Variants in SLC30A7 observed in about 807,000 individuals in gnomAD.
SLC30A7 encodes the protein solute carrier family 30 member 7, also known as zinc transporter 7.
Under a neutral mutation model 46.0 loss-of-function variants are expected in SLC30A7, and 35 were observed. That is an observed-to-expected ratio of 0.76 (90% confidence interval 0.58 to 1.01). SLC30A7 has a LOEUF of 1.01. Ranked by LOEUF, SLC30A7 falls within the 50% of genes least tolerant of loss-of-function variation. The pLI, the probability that SLC30A7 is intolerant of heterozygous loss-of-function variation, is 0.00. For missense variants in SLC30A7, 464 were observed against 451.1 expected, an observed-to-expected ratio of 1.03 and a Z score of -0.26; for synonymous variants, 147 against 157.8, an observed-to-expected ratio of 0.93 and a Z score of 0.51.
chr1:100,995,166 T>C, the SLC30A7 span: 58 of 1,534,964 alleles, frequency 3.8e-5, no homozygotes, highest in Non-Finnish European at 5.0e-5. Context: ...GAAGTAAAAA[T>C]AGTTCTTTTA....
intron 10 of SLC30A7, among the ~76,000 whole-genome samples, chr1:100,968,348 T>G (rs1422466025): frequency 6.6e-6 from 1 of 151,534 alleles, no homozygotes; most frequent in Non-Finnish European, 1.5e-5. Context: ...GTAATCCCAG[T>G]CACTCGGGAG....
In SLC30A7 at chr1:100,980,282, G is replaced by A. The variant is rs1365054006; in HGVS notation, c.*5425G>A. The A allele has an allele frequency of 6.6e-6, 1 of 152,082 alleles. No individual in the cohort carries two copies. Among genetic ancestry groups the A allele is most frequent in the African/African-American group, 2.4e-5 (1 of 41,444 alleles). The allele number at this position is 152,082 out of a possible 1,614,324, so 9.4% of individuals were successfully genotyped here. A position where few individuals can be genotyped will look rare whatever the true frequency, so the allele number is the denominator to read the frequency against. On this transcript the variant is annotated 3_prime_UTR_variant, in exon 11 of 11. Transcript: ENST00000357650. ...ATTTTGCACTGCAGGAGAAGGATAA[G>A]TAGATTTGATTTACATCACATTTTA...
At chr1:100,993,266 T>C in the SLC30A7 span, among the ~76,000 whole-genome samples, 2 of 151,934 alleles carry the variant, frequency 1.3e-5, no homozygotes, top group Non-Finnish European at 2.9e-5. Flanking sequence ...AATATAGCCA[T>C]TGCAGGCCAG....
chr1:100,990,486 A>T, the SLC30A7 span: 5 of 1,613,990 alleles, frequency 3.1e-6, no homozygotes, highest in Admixed American at 5.0e-5. Flanking sequence ...TCTCCATTGG[A>T]TGTATGCTGC....
intron 8 of SLC30A7, among the ~76,000 whole-genome samples, chr1:100,959,736 C>T (rs1233093034): frequency 6.6e-6 from 1 of 152,172 alleles, no homozygotes; most frequent in African/African-American, 2.4e-5. Flanking sequence ...TGTCTCATCA[C>T]TTTGTCATAC....
At chr1:100,937,722 G>A (rs946439310) in intron 8 of SLC30A7, among the ~76,000 whole-genome samples, 1 of 152,148 alleles carries the variant, frequency 6.6e-6, no homozygotes, top group African/African-American at 2.4e-5. Flanking sequence ...TTTATCAGAT[G>A]TATAATATGC....
chr1:100,988,969 G>C, the SLC30A7 span, among the ~76,000 whole-genome samples: 2 of 152,046 alleles, frequency 1.3e-5, no homozygotes, highest in Non-Finnish European at 1.5e-5. Context: ...GCTAATTGAT[G>C]ATCCCAGGGA....
chr1:100,985,632 T>C (rs1208573021), downstream of SLC30A7, among the ~76,000 whole-genome samples: 1 of 152,184 alleles, frequency 6.6e-6, no homozygotes, highest in Non-Finnish European at 1.5e-5. Context: ...CTTAATGATT[T>C]TTACAATGGT....
At chr1:100,958,897 A>G (rs1259573015) in intron 8 of SLC30A7, among the ~76,000 whole-genome samples, 4 of 152,190 alleles carry the variant, frequency 2.6e-5, no homozygotes, top group Non-Finnish European at 4.4e-5. Context: ...GATTTTTTTC[A>G]TAGGAACACA....
downstream of SLC30A7, among the ~76,000 whole-genome samples, chr1:100,983,560 C>G (rs1570621397): frequency 2.0e-5 from 3 of 152,130 alleles, no homozygotes; most frequent in East Asian, 5.8e-4. Flanking sequence ...ATGAATTTTG[C>G]TTTTTAATGT....
rs113681900 is a variant in SLC30A7, at chr1:100,971,434, C to T, written c.1084-3376C>T. Among the ~76,000 whole-genome samples, 759 of 152,038 alleles carry T rather than the reference C, an allele frequency of 5.0e-3. 12 individuals are homozygous for T. The highest frequency in any genetic ancestry group is 0.017 in the African/African-American group (719 of 41,480). ...TTCTTCATCATTTGTATTTGAAGTC[C>T]GCCAGAATCTGACCTCCTTTGGAGG... On this transcript the variant is annotated intron_variant, in intron 10 of 10. Coordinates refer to ENST00000357650, the MANE Select transcript of SLC30A7 (RefSeq NM_133496.5).
Position 100,971,857 on chromosome 1 carries a change from G to A in SLC30A7, c.1084-2953G>A, listed in dbSNP as rs138383520. 8.0e-3 allele frequency among the ~76,000 whole-genome samples: 1,215 copies of A among 152,124 alleles called. 8 individuals carry two copies. Among genetic ancestry groups the A allele is most frequent in the Middle Eastern group, 0.034 (10 of 294 alleles). On this transcript the variant is annotated intron_variant, in intron 10 of 10. Coordinates refer to ENST00000357650, the MANE Select transcript of SLC30A7 (RefSeq NM_133496.5). Reference sequence around the variant, plus strand: ...AATAATTTTCTATAGTCATATTCCCGTTTATTTCCCTAAATTTTTTACTTC... The same window carrying A: ...AATAATTTTCTATAGTCATATTCCCATTTATTTCCCTAAATTTTTTACTTC...
the SLC30A7 span, among the ~76,000 whole-genome samples, chr1:100,987,331 C>T: frequency 6.6e-6 from 1 of 152,032 alleles, no homozygotes; most frequent in Admixed American, 6.5e-5. Context: ...CCCTATTTTC[C>T]TTCTATTCTT....
At chr1:100,958,220 A>C (rs972704064) in intron 8 of SLC30A7, among the ~76,000 whole-genome samples, 2 of 151,884 alleles carry the variant, frequency 1.3e-5, no homozygotes, top group Admixed American at 6.5e-5. Flanking sequence ...TCTGTCACCC[A>C]GGCTGGAGTG....
downstream of SLC30A7, among the ~76,000 whole-genome samples, chr1:100,982,269 C>T (rs951849100): frequency 6.6e-6 from 1 of 152,214 alleles, no homozygotes; most frequent in African/African-American, 2.4e-5. Flanking sequence ...AGGCTTTATC[C>T]TCAGCATGTC....
At chr1:100,938,398 C>G (rs1050526453) in intron 8 of SLC30A7, among the ~76,000 whole-genome samples, 1 of 152,030 alleles carries the variant, frequency 6.6e-6, no homozygotes, top group Non-Finnish European at 1.5e-5. Flanking sequence ...TTATTTTGTC[C>G]CCTAAGCATT....
intron 2 of SLC30A7, among the ~76,000 whole-genome samples, chr1:100,904,948 G>A (rs1006443500): frequency 6.6e-6 from 1 of 151,998 alleles, no homozygotes; most frequent in Admixed American, 6.6e-5. Flanking sequence ...TATGGTCCTG[G>A]ATGGAGACAA....
rs535244984 is a variant in SLC30A7 at position 100,977,396 on chromosome 1, G to C, written c.*2539G>C. 1.3e-5 allele frequency: 2 copies of C among 152,306 alleles called. No individual in the cohort carries two copies. Among genetic ancestry groups the C allele is most frequent in the South Asian group, 4.1e-4 (2 of 4,824 alleles). 9.4% of individuals were successfully genotyped at this position (152,306 alleles called of 1,614,324 possible). ...ACATTTATGCTTTAATTAAATGCCA[G>C]TATACCTATGTGTGCAGCAGTAAAA... is the stretch of plus-strand genomic sequence containing the variant. On this transcript the variant is annotated 3_prime_UTR_variant, in exon 11 of 11. Transcript: ENST00000357650.
At chr1:100,973,062 A>AG (rs977492453) in intron 10 of SLC30A7, among the ~76,000 whole-genome samples, 3 of 151,910 alleles carry the variant, frequency 2.0e-5, no homozygotes, top group Admixed American at 1.3e-4. Context: ...CCACAGGAAA[A>AG]AAAAAAAGAA....
Sources: gnomAD v4.1 joint callset for allele counts (sites outside exome capture counted in the v4.1 genomes callset) on GRCh38, gnomAD v4.1.1 for gene constraint, MANE v1.5 for transcripts, NCBI Gene and HGNC (gene_info 2026-07-23, HGNC 2026-07-21) for gene names.